Variants in RP1 observed in about 807,000 individuals in gnomAD.
RP1 encodes the protein RP1 axonemal microtubule associated.
RP1 carries 16 observed loss-of-function variants against 14.8 expected under a neutral mutation model. That is an observed-to-expected ratio of 1.08 (90% CI 0.73 to 1.65). RP1 has a LOEUF of 1.65. Ranked by LOEUF, RP1 falls within the 40% of genes most tolerant of loss-of-function variation. RP1 has a pLI of 0.00. For synonymous variants in RP1, 876 were observed against 883.6 expected, an observed-to-expected ratio of 0.99 and a Z score of 0.15; for missense variants, 2,631 against 2,535.0, an observed-to-expected ratio of 1.04 and a Z score of -0.81.
At chr8:54,587,369 T>C (rs12676855) in intron 1 of RP1, among the ~76,000 whole-genome samples, 30,250 of 148,572 alleles carry the variant, frequency 0.2, 3,490 homozygotes, top group East Asian at 0.36. Flanking sequence ...GAGGTTGTAG[T>C]GAGCCGAGAT....
chr8:54,745,861 C>T (rs1335136800), intron 19 of RP1, among the ~76,000 whole-genome samples: 1 of 152,128 alleles, frequency 6.6e-6, no homozygotes, highest in Non-Finnish European at 1.5e-5. Flanking sequence ...TTTCATAGTA[C>T]TCACATTTGG....
chr8:54,620,228 T>C (rs1423218392), intron 1 of RP1, among the ~76,000 whole-genome samples: 1 of 152,248 alleles, frequency 6.6e-6, no homozygotes, highest in African/African-American at 2.4e-5. Context: ...AACACTACTT[T>C]GGTCAATGGT....
At chr8:54,586,060 GA>G (rs1804913433) in intron 1 of RP1, among the ~76,000 whole-genome samples, 1 of 152,228 alleles carries the variant, frequency 6.6e-6, no homozygotes, top group South Asian at 2.1e-4. Context: ...TCCTTTGGAG[GA>G]GGAGAGGTGC....
chr8:54,636,851 T>C (rs1806355403), intron 3 of RP1, among the ~76,000 whole-genome samples: 1 of 152,044 alleles, frequency 6.6e-6, no homozygotes, highest in African/African-American at 2.4e-5. Flanking sequence ...GACATTGGAG[T>C]TTGTTTTAGA....
chr8:54,638,901 TCTCTCTCG>T (rs929342051), intron 3 of RP1, among the ~76,000 whole-genome samples: 29 of 118,690 alleles, frequency 2.4e-4, no homozygotes, highest in South Asian at 7.5e-4. Flanking sequence ...TCTCTCTCTC[TCTCTCTCG>T]GTCTCTCTCA....
intron 19 of RP1, among the ~76,000 whole-genome samples, chr8:54,752,301 A>G (rs1809391809): frequency 6.6e-6 from 1 of 152,202 alleles, no homozygotes; most frequent in South Asian, 2.1e-4. Context: ...AAAAGAAGTA[A>G]GAAAGTTTTA....
intron 24 of RP1, among the ~76,000 whole-genome samples, chr8:54,793,689 G>C (rs1313627562): frequency 6.6e-6 from 1 of 151,780 alleles, no homozygotes; most frequent in East Asian, 1.9e-4. Flanking sequence ...ACCTAATAAA[G>C]ACCAAATATG....
At chr8:54,804,260 T>A (rs986827685) in intron 24 of RP1, among the ~76,000 whole-genome samples, 2 of 151,984 alleles carry the variant, frequency 1.3e-5, no homozygotes, top group African/African-American at 4.8e-5. Context: ...AAAATTAATT[T>A]AAAAAAGGCA....
intron 15 of RP1, among the ~76,000 whole-genome samples, chr8:54,708,851 A>T (rs1396579111): frequency 1.3e-5 from 2 of 151,830 alleles, no homozygotes; most frequent in Non-Finnish European, 2.9e-5. Flanking sequence ...GCTATGGGTG[A>T]CTCAGCTCTA....
At chr8:54,620,448 T>G (rs1227730902) in intron 1 of RP1, among the ~76,000 whole-genome samples, 1 of 152,232 alleles carries the variant, frequency 6.6e-6, no homozygotes, top group African/African-American at 2.4e-5. Context: ...ATCATCTGTT[T>G]GTGTAAGTAC....
intron 24 of RP1, among the ~76,000 whole-genome samples, chr8:54,811,294 C>T (rs887463404): frequency 6.6e-6 from 1 of 152,196 alleles, no homozygotes; most frequent in East Asian, 1.9e-4. Context: ...TAGGGCCCTC[C>T]TGCCAGGCTG....
intron 19 of RP1, among the ~76,000 whole-genome samples, chr8:54,748,140 T>C (rs886558589): frequency 3.9e-5 from 6 of 152,200 alleles, no homozygotes; most frequent in Non-Finnish European, 7.3e-5. Flanking sequence ...CCAGGCAATC[T>C]TGAGATTAGC....
intron 24 of RP1, among the ~76,000 whole-genome samples, chr8:54,816,500 C>T (rs1431028969): frequency 6.6e-6 from 1 of 152,176 alleles, no homozygotes; most frequent in African/African-American, 2.4e-5. Flanking sequence ...GGTGGAATTT[C>T]AATCTAAGAA....
chr8:54,804,314 G>A (rs1810795241), intron 24 of RP1, among the ~76,000 whole-genome samples: 1 of 152,194 alleles, frequency 6.6e-6, no homozygotes, highest in South Asian at 2.1e-4. Context: ...AACCTGTATA[G>A]TCAGATGATG....
chr8:54,834,660 G>T (rs1036901705), intron 24 of RP1, among the ~76,000 whole-genome samples: 3 of 147,384 alleles, frequency 2.0e-5, no homozygotes, highest in Admixed American at 6.8e-5. Flanking sequence ...ATAACAAATT[G>T]TCTATGCTTT....
chr8:54,676,523 G>A (rs144868734), intron 8 of RP1, among the ~76,000 whole-genome samples: 2 of 152,298 alleles, frequency 1.3e-5, no homozygotes, highest in African/African-American at 4.8e-5. Context: ...CGAGAAGATA[G>A]TAAGATAAAT....
intron 25 of RP1, among the ~76,000 whole-genome samples, chr8:54,838,712 T>A (rs544393575): frequency 1.3e-5 from 2 of 151,404 alleles, no homozygotes; most frequent in South Asian, 2.1e-4. Flanking sequence ...TGTGTATGAG[T>A]GTGTGTGTGT....
chr8:54,664,908 G>A (rs933741139), intron 7 of RP1, among the ~76,000 whole-genome samples: 1 of 152,038 alleles, frequency 6.6e-6, no homozygotes, highest in Admixed American at 6.6e-5. Flanking sequence ...CCTGGGTGAT[G>A]GGATCATTCA....
intron 25 of RP1, among the ~76,000 whole-genome samples, chr8:54,842,232 C>A (rs531902464): frequency 6.6e-6 from 1 of 152,146 alleles, no homozygotes; most frequent in Non-Finnish European, 1.5e-5. Context: ...CAGCATCTGG[C>A]GGCAAATCTA....
Sources: gnomAD v4.1 joint callset for allele counts (sites outside exome capture counted in the v4.1 genomes callset) on GRCh38, gnomAD v4.1.1 for gene constraint, MANE v1.5 for transcripts, NCBI Gene and HGNC (gene_info 2026-07-23, HGNC 2026-07-21) for gene names.